NCAPG2: variants seen among roughly 807,000 people sequenced by gnomAD.
NCAPG2 encodes the protein condensin-2 complex subunit G2.
Under a neutral mutation model 141.1 loss-of-function variants are expected in NCAPG2, and 53 were observed. The ratio of observed to expected loss-of-function variants is 0.38; its 90% CI spans 0.30 to 0.47. The LOEUF is 0.47. NCAPG2 is among the 20% of genes least tolerant of loss of function. NCAPG2 has a pLI of 0.99. For missense variants in NCAPG2, 1,087 were observed against 1,389.0 expected, an observed-to-expected ratio of 0.78 and a Z score of 3.46; for synonymous variants, 499 against 490.7, an observed-to-expected ratio of 1.02 and a Z score of -0.22.
At chr7:158,648,181 A>G (rs10282403) in intron 24 of NCAPG2, among the ~76,000 whole-genome samples, 85,844 of 152,036 alleles carry the variant, frequency 0.56, 24,708 homozygotes, top group Non-Finnish European at 0.61. Flanking sequence ...AATAAAAATA[A>G]TAACAACAGC....
At chr7:158,661,586 C>T (rs956554153) in intron 16 of NCAPG2, among the ~76,000 whole-genome samples, 1 of 152,114 alleles carries the variant, frequency 6.6e-6, no homozygotes, top group African/African-American at 2.4e-5. Context: ...TTGAAAATCA[C>T]CGCGAGCAGA....
rs1317076354 is a variant in NCAPG2, at chr7:158,645,560, C to T, written c.3239G>A (p.Cys1080Tyr). 2 of 1,614,132 alleles carry T rather than the reference C, an allele frequency of 1.2e-6. No individual in the cohort carries two copies. The highest frequency in any genetic ancestry group is 1.3e-5 in the African/African-American group (1 of 74,944). The change falls in exon 26 of 28, where the codon TGC becomes TAC. Residue 1080 changes from cysteine to tyrosine, a missense_variant. Coordinates refer to ENST00000356309, the MANE Select transcript of NCAPG2 (RefSeq NM_017760.7). ...VASNDIEGIV[C>Y]LTAAVHIILV... ...GATAATATGCACAGCAGCCGTGAGG[C>T]ACACAATGCCTTCAATATCATTAGA...
chr7:158,636,784 T>C (rs1276073421), intron 27 of NCAPG2, among the ~76,000 whole-genome samples: 1 of 152,200 alleles, frequency 6.6e-6, no homozygotes, highest in Non-Finnish European at 1.5e-5. Context: ...ATTCTTACAG[T>C]TGGTAATTCT....
chr7:158,677,412 C>A (rs1420410281), intron 11 of NCAPG2, among the ~76,000 whole-genome samples: 1 of 151,596 alleles, frequency 6.6e-6, no homozygotes, highest in Admixed American at 6.6e-5. Flanking sequence ...TAGAGAAGAA[C>A]ACCTGCTAAC....
chr7:158,634,261 A>G (rs1830049915), intron 27 of NCAPG2, among the ~76,000 whole-genome samples: 1 of 152,122 alleles, frequency 6.6e-6, no homozygotes, highest in Admixed American at 6.6e-5. Context: ...TATGCTTTAA[A>G]TCATCTCTAG....
intron 24 of NCAPG2, among the ~76,000 whole-genome samples, chr7:158,649,972 T>C (rs1831357210): frequency 6.6e-6 from 1 of 152,258 alleles, no homozygotes; most frequent in Non-Finnish European, 1.5e-5. Flanking sequence ...TTAATAATCA[T>C]CTTCAATTCA....
At chr7:158,637,509 C>CT (rs1830310648) in intron 27 of NCAPG2, among the ~76,000 whole-genome samples, 1 of 1,454 alleles carries the variant, frequency 6.9e-4, no homozygotes, top group Non-Finnish European at 1.6e-3. Flanking sequence ...ACCCCACAAG[C>CT]CCCCACCCCA....
rs1419397484 is a variant in NCAPG2, at chr7:158,633,063, GA to G, written c.3381-1347del. Among the ~76,000 whole-genome samples, 22 of 151,872 alleles carry G rather than the reference GA, an allele frequency of 1.4e-4. 1 individual carries two copies. Among genetic ancestry groups the G allele is most frequent in the Admixed American group, 1.3e-3 (20 of 15,254 alleles). On this transcript the variant is annotated intron_variant, in intron 27 of 27. Transcript: ENST00000356309. This position sits in a 1 kb window ranked among gnomAD's most constrained non-coding sequence, Gnocchi z 4.1. ...ATCTTATCCATAATTATTTAGCTGT[GA>G]TTTTTTTTTTCCATCAATCCAGAAT... is the stretch of plus-strand genomic sequence containing the variant.
intron 9 of NCAPG2, among the ~76,000 whole-genome samples, chr7:158,681,531 C>G (rs1195474433): frequency 6.6e-6 from 1 of 152,192 alleles, no homozygotes; most frequent in African/African-American, 2.4e-5. Flanking sequence ...ATTAAACAGG[C>G]TGTAAAAGAA....
At position 158,655,328 on chromosome 7, in the gene NCAPG2, A is replaced by T. The variant is rs1313877907; in HGVS notation, c.2505+11T>A. 1.2e-6 allele frequency: 2 copies of T among 1,614,210 alleles called. No homozygotes were observed. The highest frequency in any genetic ancestry group is 2.2e-5 in the East Asian group (1 of 44,884). Reference sequence around the variant, plus strand: ...TGTATCATCCTAATAGAGGGCCAGGAGCAGGCACACCTTGTGCTGAAGATG... The same window carrying T: ...TGTATCATCCTAATAGAGGGCCAGGTGCAGGCACACCTTGTGCTGAAGATG... On this transcript the variant is annotated intron_variant, in intron 20 of 27. Coordinates refer to ENST00000356309, the MANE Select transcript of NCAPG2 (RefSeq NM_017760.7).
intron 13 of NCAPG2, chr7:158,668,563 C>T: frequency 2.0e-6 from 1 of 493,080 alleles, no homozygotes; most frequent in Non-Finnish European, 2.6e-6. Context: ...GGCCTGGATA[C>T]AGTTTAGATA....
Position 158,690,782 on chromosome 7 carries a change from A to T in NCAPG2, c.383-60T>A, listed in dbSNP as rs889893094. On this transcript the variant is annotated intron_variant, in intron 4 of 27. Coordinates refer to ENST00000356309, the MANE Select transcript of NCAPG2 (RefSeq NM_017760.7). Reference sequence around the variant, plus strand: ...GGCAAATTCTTATTACTTCAGAGTCAACAGTTTAGAGTATCATGACTTTAT... The same window carrying T: ...GGCAAATTCTTATTACTTCAGAGTCTACAGTTTAGAGTATCATGACTTTAT... 2.0e-6 allele frequency: 3 copies of T among 1,478,564 alleles called. No individual in the cohort carries two copies. In the African/African-American group the frequency reaches 4.2e-5, roughly 21 times the overall value. The allele number at this position is 1,478,564 out of a possible 1,614,324, so 91.6% of individuals were successfully genotyped here. A position where few individuals can be genotyped will look rare whatever the true frequency, so the allele number is the denominator to read the frequency against.
At chr7:158,636,590 C>T (rs915818094) in intron 27 of NCAPG2, among the ~76,000 whole-genome samples, 16 of 151,730 alleles carry the variant, frequency 1.1e-4, no homozygotes, top group African/African-American at 2.2e-4. Flanking sequence ...TTAGTAGAGA[C>T]GGGGTTTCTC....
chr7:158,662,601 G>A (rs895145107), intron 15 of NCAPG2, among the ~76,000 whole-genome samples: 2 of 152,142 alleles, frequency 1.3e-5, no homozygotes, highest in African/African-American at 4.8e-5. Flanking sequence ...TTTACATGAA[G>A]AAAACTCCTC....
intron 17 of NCAPG2, among the ~76,000 whole-genome samples, chr7:158,657,962 G>A (rs1303729739): frequency 2.6e-5 from 4 of 151,596 alleles, no homozygotes; most frequent in Non-Finnish European, 5.9e-5. Flanking sequence ...CAGCATGCTC[G>A]TTAAGAGTCA....
chr7:158,644,780 G>A (rs190784725), intron 26 of NCAPG2, among the ~76,000 whole-genome samples: 1 of 152,268 alleles, frequency 6.6e-6, no homozygotes, highest in East Asian at 1.9e-4. Flanking sequence ...TCTCAATGCA[G>A]GGGAGTCCCT....
chr7:158,662,353 T>G lies in NCAPG2; in HGVS notation c.1830A>C (p.Thr610=), dbSNP rs995887002. The change falls in exon 16 of 28, where the codon ACA becomes ACC. Residue 610 remains threonine, a synonymous_variant. Transcript: ENST00000356309. The part of the protein sequence containing the change: ...EKENVTVLDK[T]LSVNDVACMA... ...TGCATGCAACATCGTTTACTGACAG[T>G]GTTTTGTCCAGAACCTAAGATAAAA... 2.5e-6 allele frequency: 4 copies of G among 1,580,070 alleles called. No homozygotes were observed. In the Admixed American group the frequency reaches 5.6e-5, roughly 22 times the overall value.
At chr7:158,688,398 T>C (rs1340477352) in intron 6 of NCAPG2, among the ~76,000 whole-genome samples, 1 of 152,140 alleles carries the variant, frequency 6.6e-6, no homozygotes, top group Non-Finnish European at 1.5e-5. Context: ...TGCACACATA[T>C]ATAAGTTAAC....
At chr7:158,661,409 A>G (rs1832493178) in intron 16 of NCAPG2, among the ~76,000 whole-genome samples, 1 of 152,110 alleles carries the variant, frequency 6.6e-6, no homozygotes, top group Non-Finnish European at 1.5e-5. Context: ...TAAAAAGTCA[A>G]GGAATGAGAA....
Sources: allele counts gnomAD v4.1 joint callset (sites outside exome capture counted in the v4.1 genomes callset), GRCh38; gene constraint gnomAD v4.1.1; non-coding constraint Gnocchi (gnomAD v3.1); transcripts MANE v1.5; gene names NCBI Gene and HGNC (gene_info 2026-07-23, HGNC 2026-07-21).